TMEM132D: variants seen among roughly 807,000 people sequenced by gnomAD.
The protein encoded by TMEM132D is mature OL transmembrane protein.
Under a neutral mutation model 62.3 loss-of-function variants are expected in TMEM132D, and 21 were observed. The observed-to-expected ratio is 0.34, with a 90% CI of 0.24 to 0.49. The LOEUF (loss-of-function observed/expected upper bound fraction) is 0.49, where lower values mean the gene tolerates loss of function less well. TMEM132D is among the 20% of genes least tolerant of loss of function. TMEM132D has a pLI of 0.99. For missense variants in TMEM132D, 1,346 were observed against 1,402.8 expected (o/e 0.96, Z 0.65); for synonymous variants, 621 against 575.6 (o/e 1.08, Z -1.13).
At chr12:129,180,958 C>A (rs1878048572) in intron 5 of TMEM132D, among the ~76,000 whole-genome samples, 3 of 152,024 alleles carry the variant, frequency 2.0e-5, no homozygotes, top group African/African-American at 7.2e-5. Flanking sequence ...AGAATTTCAA[C>A]AGGGGTAGAG....
chr12:129,560,104 G>C (rs192971835), intron 2 of TMEM132D, among the ~76,000 whole-genome samples: 65 of 152,288 alleles, frequency 4.3e-4, no homozygotes, highest in Admixed American at 4.0e-3. Flanking sequence ...AAAGTGTGTG[G>C]CAATATGTAG....
intron 2 of TMEM132D, among the ~76,000 whole-genome samples, chr12:129,635,393 C>A (rs1412293855): frequency 6.6e-6 from 1 of 152,214 alleles, no homozygotes; most frequent in Non-Finnish European, 1.5e-5. Flanking sequence ...GAGAGTCATC[C>A]ACAGAGAGGT....
In TMEM132D at chr12:129,239,853, A is replaced by C. The variant is rs60710353; in HGVS notation, c.1300-30190T>G. Among the ~76,000 whole-genome samples the C allele has an allele frequency of 6.2e-4, 95 of 152,318 alleles. 2 individuals carry two copies. The East Asian group carries it at 0.017, about 27-fold the overall frequency. Reference sequence around the variant, plus strand: ...TACTTTACAATGCTTCAAGTGATTCAAGTTTGTGAAATTTCTAATGGCAGC... The same window carrying C: ...TACTTTACAATGCTTCAAGTGATTCCAGTTTGTGAAATTTCTAATGGCAGC... On this transcript the variant is annotated intron_variant, in intron 4 of 8. Transcript: ENST00000422113.
chr12:129,269,397 C>T (rs148090253), intron 4 of TMEM132D, among the ~76,000 whole-genome samples: 1 of 152,142 alleles, frequency 6.6e-6, no homozygotes, highest in African/African-American at 2.4e-5. Context: ...TCTCCTTTCC[C>T]TTCCCCTTCC....
intron 3 of TMEM132D, among the ~76,000 whole-genome samples, chr12:129,377,971 C>G (rs1016147211): frequency 3.3e-5 from 5 of 152,150 alleles, no homozygotes; most frequent in Non-Finnish European, 7.3e-5. Flanking sequence ...GTATTTTTGA[C>G]CTGGGATCAC....
intron 4 of TMEM132D, among the ~76,000 whole-genome samples, chr12:129,222,505 C>G (rs1159464385): frequency 4.6e-5 from 7 of 152,156 alleles, no homozygotes; most frequent in African/African-American, 1.7e-4. Flanking sequence ...CAGTTTTAGA[C>G]TTTAGCTACT....
chr12:129,359,268 G>T (rs1311238152), intron 3 of TMEM132D, among the ~76,000 whole-genome samples: 1 of 152,142 alleles, frequency 6.6e-6, no homozygotes, highest in African/African-American at 2.4e-5. Context: ...TGGGCCGGGG[G>T]ACAATAGAGT....
intron 1 of TMEM132D, among the ~76,000 whole-genome samples, chr12:129,886,452 G>A (rs544830806): frequency 3.9e-5 from 6 of 152,260 alleles, no homozygotes; most frequent in Non-Finnish European, 8.8e-5. Context: ...ATATACAGAC[G>A]TTAAGGATGT....
chr12:129,592,694 G>A (rs1257291827), intron 2 of TMEM132D, among the ~76,000 whole-genome samples: 4 of 152,198 alleles, frequency 2.6e-5, no homozygotes, highest in East Asian at 1.9e-4. Context: ...GAAATGCTGT[G>A]TAAGATGCAT....
chr12:129,613,873 C>T (rs528997629), intron 2 of TMEM132D, among the ~76,000 whole-genome samples: 2 of 150,822 alleles, frequency 1.3e-5, no homozygotes, highest in Non-Finnish European at 2.9e-5. Flanking sequence ...AGCTCCAGAA[C>T]CCAGGGGACT....
intron 5 of TMEM132D, among the ~76,000 whole-genome samples, chr12:129,090,527 G>T (rs10847760): frequency 0.21 from 32,382 of 151,994 alleles, 4,094 homozygotes; most frequent in South Asian, 0.29. Context: ...AATTAGCCAG[G>T]CATGGTGGCA....
intron 5 of TMEM132D, among the ~76,000 whole-genome samples, chr12:129,182,811 GAGAAACAAA>G (rs2135551925): frequency 6.6e-6 from 1 of 152,302 alleles, no homozygotes; most frequent in South Asian, 2.1e-4. Flanking sequence ...ATCTGCTGTG[GAGAAACAAA>G]TCACCCTAAA....
At chr12:129,133,980 T>C (rs752403963) in intron 5 of TMEM132D, among the ~76,000 whole-genome samples, 17 of 152,150 alleles carry the variant, frequency 1.1e-4, no homozygotes, top group Non-Finnish European at 2.5e-4. Context: ...AGCAAGAAGC[T>C]GGCATGTAGG....
chr12:129,391,519 C>T (rs876499), intron 3 of TMEM132D, among the ~76,000 whole-genome samples: 23,820 of 152,114 alleles, frequency 0.16, 2,047 homozygotes, highest in East Asian at 0.29. Flanking sequence ...TTCTCCTGCA[C>T]GGGCGGTGCC....
At chr12:129,801,871 T>A (rs1197237049) in intron 1 of TMEM132D, among the ~76,000 whole-genome samples, 2 of 150,820 alleles carry the variant, frequency 1.3e-5, no homozygotes, top group African/African-American at 2.5e-5. Context: ...AAACCAAGGC[T>A]CGAGAACTAC....
intron 3 of TMEM132D, among the ~76,000 whole-genome samples, chr12:129,504,401 A>G (rs1405218532): frequency 6.6e-6 from 1 of 152,072 alleles, no homozygotes. Context: ...TAATTTTTTT[A>G]TTACCATTTC....
chr12:129,300,268 G>A (rs1881679403), intron 4 of TMEM132D, among the ~76,000 whole-genome samples: 1 of 152,196 alleles, frequency 6.6e-6, no homozygotes, highest in African/African-American at 2.4e-5. Context: ...GCAAAGCAAG[G>A]CAAGTTGCCA....
At chr12:129,873,170 C>A (rs1156945155) in intron 1 of TMEM132D, among the ~76,000 whole-genome samples, 1 of 152,134 alleles carries the variant, frequency 6.6e-6, no homozygotes, top group African/African-American at 2.4e-5. Flanking sequence ...ATTGCTCAGA[C>A]GGTTATTTTT....
At chr12:129,085,068 C>A (rs781315108) in intron 5 of TMEM132D, 3 of 353,692 alleles carry the variant, frequency 8.5e-6, no homozygotes, top group Non-Finnish European at 1.5e-5. Context: ...TTATGTCCTG[C>A]TCACCCCGCT....
Sources: gnomAD v4.1 joint callset for allele counts (sites outside exome capture counted in the v4.1 genomes callset) on GRCh38, gnomAD v4.1.1 for gene constraint, MANE v1.5 for transcripts, NCBI Gene and HGNC (gene_info 2026-07-23, HGNC 2026-07-21) for gene names.